NEK1: variants seen among roughly 807,000 people sequenced by gnomAD.
NEK1 encodes the protein serine/threonine-protein kinase Nek1.
Under a neutral mutation model 182.1 loss-of-function variants are expected in NEK1, and 137 were observed. The observed-to-expected ratio is 0.75, with a 90% CI of 0.65 to 0.87. NEK1 has a LOEUF of 0.87. Among genes scored for constraint, NEK1 ranks in the 40% least tolerant of loss-of-function variants. NEK1 has a pLI of 0.00. For synonymous variants in NEK1, 513 were observed against 492.2 expected (o/e 1.04, Z -0.56); for missense variants, 1,391 against 1,494.4 (o/e 0.93, Z 1.14).
chr4:169,539,257 T>C (rs999119126), intron 18 of NEK1, among the ~76,000 whole-genome samples: 2 of 152,166 alleles, frequency 1.3e-5, no homozygotes, highest in African/African-American at 4.8e-5. Context: ...ACAGTCCCAT[T>C]AGCCACTGGA....
Position 169,507,249 on chromosome 4 carries a change from C to T in NEK1, c.1912-117G>A, listed in dbSNP as rs535593459. 9 of 603,486 alleles carry T rather than the reference C, an allele frequency of 1.5e-5. No individual in the cohort carries two copies. In the African/African-American group the frequency reaches 1.6e-4, roughly 11 times the overall value. 37.4% of individuals were successfully genotyped at this position (603,486 alleles called of 1,614,324 possible). A position where few individuals can be genotyped will look rare whatever the true frequency, so the allele number is the denominator to read the frequency against. ...ACTTATTAGCCAAAAAAGAAGTGTG[C>T]ATGTGGTCTTAGAATAAAAATGTAA... is the stretch of plus-strand genomic sequence containing the variant. On this transcript the variant is annotated intron_variant, in intron 22 of 35. Transcript: ENST00000507142.
intron 35 of NEK1, among the ~76,000 whole-genome samples, chr4:169,395,293 C>T (rs186601593): frequency 1.1e-3 from 171 of 152,274 alleles, no homozygotes; most frequent in African/African-American, 3.2e-3. Context: ...GGAATCCACG[C>T]TCCTTAACGT....
chr4:169,443,054 T>TCTAC, intron 27 of NEK1, among the ~76,000 whole-genome samples: 1 of 112,514 alleles, frequency 8.9e-6, no homozygotes, highest in East Asian at 3.2e-4. Flanking sequence ...AAATATTTTA[T>TCTAC]CTATCTATCT....
intron 23 of NEK1, among the ~76,000 whole-genome samples, chr4:169,495,463 C>T (rs1320963420): frequency 1.2e-4 from 19 of 152,012 alleles, no homozygotes; most frequent in South Asian, 6.2e-4. Flanking sequence ...AGGATGGTCT[C>T]GATCTCCTGA....
intron 19 of NEK1, among the ~76,000 whole-genome samples, chr4:169,522,191 G>A (rs1756182148): frequency 6.6e-6 from 1 of 152,070 alleles, no homozygotes; most frequent in Non-Finnish European, 1.5e-5. Context: ...TGATTATTGT[G>A]TTTTTCAGTT....
intron 19 of NEK1, among the ~76,000 whole-genome samples, chr4:169,512,534 A>T (rs1754362652): frequency 6.6e-6 from 1 of 152,096 alleles, no homozygotes; most frequent in African/African-American, 2.4e-5. Context: ...AGTGCTATAC[A>T]AACATTTCTC....
chr4:169,397,967 A>T (rs1731000028), intron 35 of NEK1, among the ~76,000 whole-genome samples: 1 of 152,240 alleles, frequency 6.6e-6, no homozygotes, highest in South Asian at 2.1e-4. Flanking sequence ...AATAGTCTGA[A>T]TATGAATAGA....
chr4:169,438,205 A>G lies in NEK1; in HGVS notation c.2642T>C (p.Val881Ala). ...YKPLITGEKK[V>A]QCISHEINPS... Reference sequence around the variant, plus strand: ...GTTTATTTCATGTGAAATACATTGTACTTTTTTTTCTCCAGTAATTAAGGG... The same window carrying G: ...GTTTATTTCATGTGAAATACATTGTGCTTTTTTTTCTCCAGTAATTAAGGG... Residue 881 changes from valine (V) to alanine (A), a missense_variant, in exon 28 of 36, where the codon GTA (valine) becomes GCA (alanine). Transcript: ENST00000507142. 2 of 1,580,306 alleles carry G rather than the reference A, an allele frequency of 1.3e-6. No homozygotes were observed. Among genetic ancestry groups the G allele is most frequent in the South Asian group, 1.2e-5 (1 of 86,704 alleles).
At chr4:169,559,096 T>A (rs1319047936) in intron 16 of NEK1, among the ~76,000 whole-genome samples, 1 of 152,202 alleles carries the variant, frequency 6.6e-6, no homozygotes, top group Non-Finnish European at 1.5e-5. Context: ...CAGAAGTTTA[T>A]AAAGTGATGC....
chr4:169,436,516 A>C (rs138414601), intron 28 of NEK1, among the ~76,000 whole-genome samples: 8 of 152,370 alleles, frequency 5.3e-5, no homozygotes, highest in African/African-American at 1.7e-4. Flanking sequence ...TAGCTAAGGA[A>C]TTATCAAAGC....
chr4:169,398,112 A>G (rs986781030), intron 35 of NEK1, among the ~76,000 whole-genome samples: 1 of 152,214 alleles, frequency 6.6e-6, no homozygotes, highest in African/African-American at 2.4e-5. Flanking sequence ...GATACTTTTC[A>G]TTCCATTATA....
intron 18 of NEK1, among the ~76,000 whole-genome samples, chr4:169,545,733 G>C (rs1291208340): frequency 4.0e-5 from 6 of 151,654 alleles, no homozygotes; most frequent in Non-Finnish European, 7.4e-5. Context: ...ACTTTTTAAT[G>C]ATTGCCATTC....
chr4:169,588,262 G>A (rs1767855228), intron 8 of NEK1, among the ~76,000 whole-genome samples: 2 of 152,128 alleles, frequency 1.3e-5, no homozygotes, highest in Admixed American at 6.5e-5. Flanking sequence ...AGAAGAGGAG[G>A]AATGATTAAT....
At chr4:169,583,802 C>A (rs2061516308) in intron 10 of NEK1, among the ~76,000 whole-genome samples, 1 of 152,224 alleles carries the variant, frequency 6.6e-6, no homozygotes. Context: ...GAAGCTGCTG[C>A]TATGACCTAT....
intron 19 of NEK1, among the ~76,000 whole-genome samples, chr4:169,526,237 C>T (rs1294435285): frequency 6.6e-6 from 1 of 152,138 alleles, no homozygotes; most frequent in Non-Finnish European, 1.5e-5. Flanking sequence ...TGCATGTAGT[C>T]CAGTATTTTG....
chr4:169,593,419 A>G (rs1406872188), intron 5 of NEK1, among the ~76,000 whole-genome samples: 1 of 152,224 alleles, frequency 6.6e-6, no homozygotes, highest in Non-Finnish European at 1.5e-5. Context: ...GAGATGGGTA[A>G]GTAAACCAGT....
intron 19 of NEK1, among the ~76,000 whole-genome samples, chr4:169,526,921 A>C (rs569087493): frequency 6.6e-6 from 1 of 152,232 alleles, no homozygotes; most frequent in African/African-American, 2.4e-5. Context: ...GGCTTAAAAC[A>C]TGACAAGTTT....
At chr4:169,568,042 A>G (rs1010328140) in intron 12 of NEK1, among the ~76,000 whole-genome samples, 1 of 152,198 alleles carries the variant, frequency 6.6e-6, no homozygotes, top group South Asian at 2.1e-4. Flanking sequence ...CTTGGCTACA[A>G]TCCTACCCAA....
intron 23 of NEK1, among the ~76,000 whole-genome samples, chr4:169,497,601 T>G (rs952697102): frequency 6.6e-6 from 1 of 152,326 alleles, no homozygotes; most frequent in African/African-American, 2.4e-5. Flanking sequence ...TCTGGTATGT[T>G]GTGTCTTTGT....
Sources: gnomAD v4.1 joint callset for allele counts (sites outside exome capture counted in the v4.1 genomes callset) on GRCh38, gnomAD v4.1.1 for gene constraint, MANE v1.5 for transcripts, NCBI Gene and HGNC (gene_info 2026-07-23, HGNC 2026-07-21) for gene names.